Variants in SYN1 observed in about 807,000 individuals in gnomAD.
SYN1 encodes synapsin I.
SYN1 carries 8 observed loss-of-function variants against 44.6 expected under a neutral mutation model. The observed-to-expected ratio is 0.18, with a 90% CI of 0.11 to 0.32. SYN1 has a LOEUF of 0.32. Ranked by LOEUF, SYN1 falls within the 10% of genes least tolerant of loss-of-function variation. The probability of loss-of-function intolerance (pLI) is 1.00; values close to 1 mark genes in which losing one functional copy is unlikely to be tolerated. For synonymous variants in SYN1, 275 were observed against 280.1 expected (o/e 0.98, Z 0.18); for missense variants, 451 against 639.4 (o/e 0.71, Z 3.18).
At chrX:47,589,322 G>A (rs1177594444) in intron 5 of SYN1, among the ~76,000 whole-genome samples, 2 of 103,654 alleles carry the variant, frequency 1.9e-5, no homozygotes, top group Non-Finnish European at 3.9e-5. Context: ...GGCCGGGCAT[G>A]GTGGCTTACG....
intron 1 of SYN1, among the ~76,000 whole-genome samples, chrX:47,611,328 C>T (rs954225441): frequency 2.3e-4 from 26 of 111,569 alleles, no homozygotes; most frequent in African/African-American, 8.2e-4. Flanking sequence ...TCGAGTTGAG[C>T]AGTCTGGCCC....
chrX:47,599,742 C>T (rs1384643746), intron 5 of SYN1, among the ~76,000 whole-genome samples: 1 of 111,814 alleles, frequency 8.9e-6, no homozygotes, highest in Non-Finnish European at 1.9e-5. Context: ...AACACTGCAG[C>T]CGCAAGTGCC....
chrX:47,605,996 G>A (rs1422836930), intron 3 of SYN1, among the ~76,000 whole-genome samples: 1 of 109,476 alleles, frequency 9.1e-6, no homozygotes, highest in Non-Finnish European at 1.9e-5. Context: ...GGGTTCAAGC[G>A]ATTTCCCTGC....
intron 5 of SYN1, 145 bp downstream of exon 5, chrX:47,604,833 C>T: frequency 3.6e-6 from 2 of 552,932 alleles, no homozygotes; most frequent in Non-Finnish European, 6.2e-6. Context: ...TCACGGTAGA[C>T]CCTATCACAA....
At chrX:47,595,841 T>C (rs68128973) in intron 5 of SYN1, among the ~76,000 whole-genome samples, 7,368 of 111,560 alleles carry the variant, frequency 0.066, 633 homozygotes, top group African/African-American at 0.23. Context: ...AGAGCCTGTC[T>C]TCTCCTCCTT....
At chrX:47,587,461 T>C (rs1603060871) in intron 5 of SYN1, 1 of 113,060 alleles carries the variant, frequency 8.8e-6, no homozygotes, top group Non-Finnish European at 1.9e-5. Flanking sequence ...AGGTATGAGC[T>C]AAAAATCCCC....
chrX:47,613,748 C>T (rs2057923501), intron 1 of SYN1, among the ~76,000 whole-genome samples: 2 of 111,525 alleles, frequency 1.8e-5, no homozygotes, highest in Admixed American at 9.5e-5. Flanking sequence ...CCACGCCACC[C>T]GGGAGCTGCT....
At chrX:47,602,545 G>A (rs1474190598) in intron 5 of SYN1, among the ~76,000 whole-genome samples, 1 of 110,717 alleles carries the variant, frequency 9.0e-6, no homozygotes, top group African/African-American at 3.3e-5. Context: ...GGGAGGCTGA[G>A]TCAGGAGATT....
At chrX:47,614,974 C>T (rs1603076382) in intron 1 of SYN1, among the ~76,000 whole-genome samples, 1 of 111,093 alleles carries the variant, frequency 9.0e-6, no homozygotes, top group East Asian at 2.8e-4. Context: ...CACAACCTCC[C>T]CCACAGGTGT....
At position 47,619,472 on chromosome X, in the gene SYN1, T is replaced by G; in HGVS notation, c.257A>C (p.Gln86Pro). ...FFSSLSNAVK[Q>P]TTAAAAATFS... ...GGTGGCAGCTGCCGCCGCCGTGGTC[T>G]GCTTGACCGCGTTGGACAGCGACGA... The change falls in exon 1 of 13, where the codon CAG becomes CCG. Residue 86 changes from glutamine (Q) to proline (P), a missense_variant. Gln to Pro is a moderately conservative substitution (Grantham distance 76). Around this residue, in one of 3 missense-constraint regions of SYN1, gnomAD observed 315 missense variants for 451.4 expected, o/e 0.70. Coordinates refer to ENST00000295987, the MANE Select transcript of SYN1 (RefSeq NM_006950.3). 8.3e-7 allele frequency: 1 copy of G among 1,197,866 alleles called. No individual in the cohort carries two copies. Among genetic ancestry groups the G allele is most frequent in the Non-Finnish European group, 1.1e-6 (1 of 893,238 alleles).
chrX:47,616,317 G>A (rs2057931254), intron 1 of SYN1, among the ~76,000 whole-genome samples: 1 of 112,004 alleles, frequency 8.9e-6, no homozygotes, highest in Non-Finnish European at 1.9e-5. Context: ...TGCAGAAGGG[G>A]AAGGGATGGA....
chrX:47,580,514 C>A (rs2057793740), intron 5 of SYN1, among the ~76,000 whole-genome samples: 1 of 109,267 alleles, frequency 9.2e-6, no homozygotes, highest in African/African-American at 3.3e-5. Context: ...GCCTGTAACC[C>A]CAGCTACTGA....
intron 5 of SYN1, among the ~76,000 whole-genome samples, chrX:47,580,424 A>G (rs2057793195): frequency 9.5e-6 from 1 of 105,604 alleles, no homozygotes; most frequent in Non-Finnish European, 1.9e-5. Flanking sequence ...CGAGGTCAGG[A>G]GTTTGAGACC....
At chrX:47,579,180 G>A (rs1410381993) in intron 5 of SYN1, among the ~76,000 whole-genome samples, 3 of 111,517 alleles carry the variant, frequency 2.7e-5, no homozygotes, top group Admixed American at 1.9e-4. Flanking sequence ...AGAGCTGTGC[G>A]TACACACCCA....
intron 1 of SYN1, among the ~76,000 whole-genome samples, chrX:47,615,634 C>T (rs975134802): frequency 6.2e-5 from 7 of 112,081 alleles, no homozygotes; most frequent in South Asian, 3.6e-4. Flanking sequence ...GAGCCGGGCA[C>T]GGTGGCTCAA....
chrX:47,592,116 G>A (rs2057849816), intron 5 of SYN1, among the ~76,000 whole-genome samples: 2 of 111,635 alleles, frequency 1.8e-5, no homozygotes, highest in South Asian at 7.4e-4. Context: ...CAAAGCAGGA[G>A]GATTACTTGA....
intron 3 of SYN1, 46 bp downstream of exon 3, chrX:47,606,899 T>C (rs1194240082): frequency 8.8e-7 from 1 of 1,142,769 alleles, no homozygotes; most frequent in East Asian, 3.0e-5. Context: ...TAAGGGAGAG[T>C]TCTTATGCCT....
In SYN1 at chrX:47,606,972, A is replaced by G; in HGVS notation, c.500T>C (p.Val167Ala). 1 of 1,210,978 alleles carries G rather than the reference A, an allele frequency of 8.3e-7. No homozygotes were observed. Among genetic ancestry groups the G allele is most frequent in the Non-Finnish European group, 1.1e-6 (1 of 895,302 alleles). The change falls in exon 3 of 13, where the codon GTT becomes GCT. Residue 167 changes from valine to alanine, a missense_variant. Coordinates refer to ENST00000295987, the MANE Select transcript of SYN1 (RefSeq NM_006950.3). ...CACGACCTTCACCCCATTCCGAAGAACTTCCATATCCACAGAGAATCCACC... is the reference window on the plus strand; with the variant it reads ...CACGACCTTCACCCCATTCCGAAGAGCTTCCATATCCACAGAGAATCCACC... ...ANGGFSVDMEVLRNGVKVVRS... is the reference protein window; with the variant it reads ...ANGGFSVDMEALRNGVKVVRS...
chrX:47,619,544 G>A lies in SYN1; in HGVS notation c.185C>T (p.Ser62Phe), dbSNP rs776054489. ...ERSSGVAPAA[S>F]PAAPSPGSSG... ...GGACCCGGGGCTAGGGGCGGCCGGAGAGGCCGCTGGGGCGACCCCGGAGGA... is the reference window on the plus strand; with the variant it reads ...GGACCCGGGGCTAGGGGCGGCCGGAAAGGCCGCTGGGGCGACCCCGGAGGA... Residue 62 changes from serine to phenylalanine, a missense_variant, in exon 1 of 13, where the codon TCT (serine) becomes TTT (phenylalanine). By Grantham distance (155) the Ser-to-Phe change is radical. Coordinates refer to ENST00000295987, the MANE Select transcript of SYN1 (RefSeq NM_006950.3). 24 of 1,189,388 alleles carry A rather than the reference G, an allele frequency of 2.0e-5. No homozygotes were observed. The South Asian group carries it at 4.0e-4, about 20-fold the overall frequency.
Sources: gnomAD v4.1 joint callset for allele counts (sites outside exome capture counted in the v4.1 genomes callset) on GRCh38, gnomAD v4.1.1 for gene constraint, gnomAD v4.1.1 regional missense constraint, MANE v1.5 for transcripts, NCBI Gene and HGNC (gene_info 2026-07-23, HGNC 2026-07-21) for gene names.